DLC1: variants seen among roughly 807,000 people sequenced by gnomAD.
DLC1 encodes the protein DLC1 Rho GTPase activating protein.
DLC1 carries 54 observed loss-of-function variants against 140.3 expected under a neutral mutation model. The ratio of observed to expected loss-of-function variants is 0.38; its 90% CI spans 0.31 to 0.48. The LOEUF (loss-of-function observed/expected upper bound fraction) is 0.48, where lower values mean the gene tolerates loss of function less well. Among genes scored for constraint, DLC1 ranks in the 20% least tolerant of loss-of-function variants. The pLI is 0.96. For missense variants in DLC1, 2,536 were observed against 1,907.0 expected, an observed-to-expected ratio of 1.33 and a Z score of -6.14; for synonymous variants, 986 against 728.1, an observed-to-expected ratio of 1.35 and a Z score of -5.70.
chr8:13,202,768 G>A (rs1161108484), intron 5 of DLC1, among the ~76,000 whole-genome samples: 2 of 151,920 alleles, frequency 1.3e-5, no homozygotes, highest in East Asian at 1.9e-4. Flanking sequence ...TGACTTCCCA[G>A]CCCCAGGTGA....
intron 1 of DLC1, among the ~76,000 whole-genome samples, chr8:13,549,048 A>G (rs1459715989): frequency 6.6e-6 from 1 of 152,050 alleles, no homozygotes; most frequent in African/African-American, 2.4e-5. Context: ...ACATTTAGCC[A>G]TAACTGACCA....
At chr8:13,210,495 T>C (rs1827884489) in intron 5 of DLC1, among the ~76,000 whole-genome samples, 1 of 152,170 alleles carries the variant, frequency 6.6e-6, no homozygotes, top group African/African-American at 2.4e-5. Context: ...TGCTAATAGG[T>C]GTAAAATTGC....
At chr8:13,359,065 G>A (rs1729154) in intron 4 of DLC1, among the ~76,000 whole-genome samples, 103,825 of 151,904 alleles carry the variant, frequency 0.68, 36,164 homozygotes, top group East Asian at 0.84. Flanking sequence ...CAGCCTCCCA[G>A]GTAGCTGAGA....
At chr8:13,149,329 C>A (rs1823648191) in intron 5 of DLC1, among the ~76,000 whole-genome samples, 1 of 152,126 alleles carries the variant, frequency 6.6e-6, no homozygotes, top group East Asian at 1.9e-4. Context: ...AAAACGGCAA[C>A]TCTGGTGCCT....
intron 1 of DLC1, among the ~76,000 whole-genome samples, chr8:13,553,998 T>C (rs1339317074): frequency 2.0e-5 from 3 of 152,088 alleles, no homozygotes; most frequent in African/African-American, 7.2e-5. Flanking sequence ...GACTTCTTGT[T>C]TTTCTAATAA....
In DLC1 at chr8:13,151,124, C is replaced by T. The variant is rs772681078; in HGVS notation, c.1349-35467G>A. Among the ~76,000 whole-genome samples, 83 of 152,040 alleles carry T rather than the reference C, an allele frequency of 5.5e-4. 1 individual carries two copies. Among genetic ancestry groups the T allele is most frequent in the Non-Finnish European group, 2.4e-4 (16 of 67,998 alleles). On this transcript the variant is annotated intron_variant, in intron 5 of 17. Coordinates refer to ENST00000276297, the MANE Select transcript of DLC1 (RefSeq NM_182643.3). ...GGAGAATGTGAATCCTTATAAAACACGGGTAAAGATCTGTGGGCAGATGTC... is the reference window on the plus strand; with the variant it reads ...GGAGAATGTGAATCCTTATAAAACATGGGTAAAGATCTGTGGGCAGATGTC...
At chr8:13,383,048 A>G (rs289512) in intron 4 of DLC1, among the ~76,000 whole-genome samples, 133,781 of 152,196 alleles carry the variant, frequency 0.88, 58,930 homozygotes, top group East Asian at 0.98. Context: ...ATTAAAAGAC[A>G]TCTTTGGACC....
rs184061720 is a variant in DLC1, at chr8:13,589,115, A to G, written c.-126+15422T>C. Among the ~76,000 whole-genome samples, 5 of 152,178 alleles carry G rather than the reference A, an allele frequency of 3.3e-5. No individual in the cohort carries two copies. In the East Asian group the frequency reaches 9.7e-4, roughly 29 times the overall value. ...CAGTTCTTGCCAAGTTTTTCTTTGT[A>G]TTTTAACCACACGATCCATATTCTT... On this transcript the variant is annotated intron_variant, in intron 1 of 1. Coordinates refer to the DLC1 transcript ENST00000631382.
chr8:13,185,702 G>C (rs1413784156), intron 5 of DLC1, among the ~76,000 whole-genome samples: 1 of 152,078 alleles, frequency 6.6e-6, no homozygotes. Flanking sequence ...ATGTTCATTG[G>C]TTATTTTGCC....
At chr8:13,508,333 T>C (rs1340805512) in intron 1 of DLC1, among the ~76,000 whole-genome samples, 1 of 152,234 alleles carries the variant, frequency 6.6e-6, no homozygotes, top group East Asian at 1.9e-4. Context: ...ATCACTGAGA[T>C]CTTTCTGGGG....
intron 2 of DLC1, among the ~76,000 whole-genome samples, chr8:13,481,454 C>T (rs1800732250): frequency 6.6e-6 from 1 of 151,966 alleles, no homozygotes; most frequent in Non-Finnish European, 1.5e-5. Flanking sequence ...ATAAAACAAA[C>T]AAACAGAAGA....
intron 5 of DLC1, among the ~76,000 whole-genome samples, chr8:13,249,449 A>G (rs1237473701): frequency 1.3e-5 from 2 of 152,090 alleles, no homozygotes; most frequent in East Asian, 1.9e-4. Context: ...GGTATCCTCT[A>G]TCTCAGCTTC....
rs564593347 is a variant in DLC1 at position 13,391,542 on chromosome 8, C to G, written c.1314+2011G>C. On this transcript the variant is annotated intron_variant, in intron 4 of 17. Transcript: ENST00000276297. Reference sequence around the variant, plus strand: ...AAAATTGAAGAAAGATTCCATCACTCTAACAAATTAAAACACTGTGAAAAC... The same window carrying G: ...AAAATTGAAGAAAGATTCCATCACTGTAACAAATTAAAACACTGTGAAAAC... Among the ~76,000 whole-genome samples, 432 of 152,180 alleles carry G rather than the reference C, an allele frequency of 2.8e-3. 2 individuals are homozygous for G. The highest frequency in any genetic ancestry group is 9.9e-3 in the African/African-American group (410 of 41,524).
At chr8:13,394,961 T>G (rs1325054744) in intron 3 of DLC1, among the ~76,000 whole-genome samples, 1 of 151,882 alleles carries the variant, frequency 6.6e-6, no homozygotes, top group Non-Finnish European at 1.5e-5. Flanking sequence ...CTATAACATA[T>G]TCTCTATTTT....
intron 4 of DLC1, among the ~76,000 whole-genome samples, chr8:13,353,950 A>G (rs1834801405): frequency 6.6e-6 from 1 of 152,182 alleles, no homozygotes; most frequent in Middle Eastern, 3.5e-3. Flanking sequence ...GTGATGGTTG[A>G]AAGTGAAAGA....
In DLC1 at chr8:13,100,382, C is replaced by A. The variant is rs371028812; in HGVS notation, c.1955G>T (p.Ser652Ile). 2 of 1,614,072 alleles carry A rather than the reference C, an allele frequency of 1.2e-6. No individual in the cohort carries two copies. The highest frequency in any genetic ancestry group is 2.7e-5 in the African/African-American group (2 of 74,932). ...SPKELSSFSF[S>I]MKGHEKTAKS... ...GGCAGTTTTTTCGTGGCCTTTCATG[C>A]TGAAGCTGAAGCTGGACAGTTCCTT... The change falls in exon 9 of 18, where the codon AGC becomes ATC. Residue 652 changes from serine to isoleucine, a missense_variant. Ser to Ile is a moderately radical substitution (Grantham distance 142). Transcript: ENST00000276297.
At chr8:13,387,085 A>C (rs1316639832) in intron 4 of DLC1, among the ~76,000 whole-genome samples, 1 of 152,150 alleles carries the variant, frequency 6.6e-6, no homozygotes, top group East Asian at 1.9e-4. Context: ...AAGTTGTCTA[A>C]ACTTCCCTTA....
At chr8:13,407,697 T>C (rs949867144) in intron 2 of DLC1, among the ~76,000 whole-genome samples, 1 of 152,226 alleles carries the variant, frequency 6.6e-6, no homozygotes, top group African/African-American at 2.4e-5. Context: ...AAACCGGGAA[T>C]AGAACTGAAA....
At chr8:13,530,525 C>G (rs1461202678) in intron 1 of DLC1, among the ~76,000 whole-genome samples, 1 of 152,062 alleles carries the variant, frequency 6.6e-6, no homozygotes, top group Non-Finnish European at 1.5e-5. Flanking sequence ...ATGTGTGTTT[C>G]CAGATACATG....
Sources: allele counts gnomAD v4.1 joint callset (sites outside exome capture counted in the v4.1 genomes callset), GRCh38; gene constraint gnomAD v4.1.1; transcripts MANE v1.5; gene names NCBI Gene and HGNC (gene_info 2026-07-23, HGNC 2026-07-21).